The following PRSS23 variants were observed in gnomAD, a reference collection of about 807,000 sequenced individuals.
PRSS23 encodes serine protease 23.
Under a neutral mutation model 34.7 loss-of-function variants are expected in PRSS23, and 25 were observed. That is an observed-to-expected ratio of 0.72 (90% CI 0.53 to 1.01). The LOEUF is 1.01. Among genes scored for constraint, PRSS23 ranks in the 50% least tolerant of loss-of-function variants. The probability of loss-of-function intolerance (pLI) is 0.00; values close to 1 mark genes in which losing one functional copy is unlikely to be tolerated. For missense variants in PRSS23, 445 were observed against 475.6 expected, an observed-to-expected ratio of 0.94 and a Z score of 0.60; for synonymous variants, 176 against 186.6, an observed-to-expected ratio of 0.94 and a Z score of 0.46.
chr11:86,856,396 C>A (rs1565367476), intron 2 of PRSS23, among the ~76,000 whole-genome samples: 1 of 151,902 alleles, frequency 6.6e-6, no homozygotes, highest in Non-Finnish European at 1.5e-5. Flanking sequence ...GAGACCCAGG[C>A]CTCATCATGT....
At chr11:86,894,834 A>G (rs1948864236) in intron 2 of PRSS23, among the ~76,000 whole-genome samples, 1 of 152,174 alleles carries the variant, frequency 6.6e-6, no homozygotes, top group African/African-American at 2.4e-5. Context: ...ATTTGTGTAT[A>G]TGTCTTATCT....
At chr11:86,949,306 C>G (rs1565396007) in intron 2 of PRSS23, 1 of 150,080 alleles carries the variant, frequency 6.7e-6, no homozygotes, top group Non-Finnish European at 1.5e-5. Flanking sequence ...GCATAAGGCT[C>G]AAACCAAATT....
chr11:86,929,061 C>T (rs1257935263), intron 2 of PRSS23, among the ~76,000 whole-genome samples: 1 of 152,006 alleles, frequency 6.6e-6, no homozygotes, highest in Non-Finnish European at 1.5e-5. Context: ...GTGCCTCGTG[C>T]CTGTAATCCT....
At chr11:86,900,105 CAT>C (rs1191802325) in intron 2 of PRSS23, among the ~76,000 whole-genome samples, 1 of 152,198 alleles carries the variant, frequency 6.6e-6, no homozygotes, top group East Asian at 1.9e-4. Context: ...ACCTGAAGGA[CAT>C]GTTTCCTGAG....
In PRSS23 at chr11:86,879,965, A is replaced by G. The variant is rs1179074864; in HGVS notation, c.206+56372A>G. ...AGGTGTACCCAACAGCTCATTGAGA[A>G]CGGGCCATGATGACAATGGCGGTTT... On this transcript the variant is annotated intron_variant, in intron 2 of 2. Coordinates refer to the PRSS23 transcript ENST00000533902. 2.0e-5 allele frequency among the ~76,000 whole-genome samples: 3 copies of G among 151,700 alleles called. No individual in the cohort carries two copies. In the East Asian group the frequency reaches 5.8e-4, roughly 29 times the overall value.
chr11:86,837,399 C>A (rs943312171), intron 2 of PRSS23: 1 of 152,302 alleles, frequency 6.6e-6, no homozygotes, highest in East Asian at 1.9e-4. Context: ...ATTGCTTACT[C>A]GAGTAGGTGG....
intron 2 of PRSS23, among the ~76,000 whole-genome samples, chr11:86,834,038 T>C (rs1948382701): frequency 6.6e-6 from 1 of 152,162 alleles, no homozygotes; most frequent in African/African-American, 2.4e-5. Flanking sequence ...TGAAGAACAT[T>C]TGTAGTTTTA....
chr11:86,934,733 G>A (rs1203276302), intron 2 of PRSS23: 2 of 152,204 alleles, frequency 1.3e-5, no homozygotes, highest in Admixed American at 1.3e-4. Flanking sequence ...GCATCCAGAA[G>A]GTCATTCCCA....
At chr11:86,870,139 C>T (rs974843140) in intron 2 of PRSS23, among the ~76,000 whole-genome samples, 3 of 152,140 alleles carry the variant, frequency 2.0e-5, no homozygotes, top group African/African-American at 7.2e-5. Context: ...TATGATATGG[C>T]TCCATCTGAC....
At position 86,947,977 on chromosome 11, in the gene PRSS23, C is replaced by T. The variant is rs933893188; in HGVS notation, c.207-3239C>T. 2.6e-5 allele frequency: 4 copies of T among 152,372 alleles called. No homozygotes were observed. In the South Asian group the frequency reaches 8.3e-4, roughly 32 times the overall value. The allele number at this position is 152,372 out of a possible 1,614,324, so 9.4% of individuals were successfully genotyped here. A position where few individuals can be genotyped will look rare whatever the true frequency, so the allele number is the denominator to read the frequency against. On this transcript the variant is annotated intron_variant, in intron 2 of 2. Coordinates refer to the PRSS23 transcript ENST00000533902. ...TCCTCAAATATACCTATACAAGTCA[C>T]ATGGAATACCCCAAGCCCTGAATTG...
chr11:86,821,361 G>A (rs943613333), intron 1 of PRSS23: 8 of 907,012 alleles, frequency 8.8e-6, no homozygotes, highest in South Asian at 1.5e-5. Context: ...AGTGATCCTA[G>A]TTTTGCTACG....
At chr11:86,895,432 C>T (rs897619051) in intron 2 of PRSS23, among the ~76,000 whole-genome samples, 1 of 149,736 alleles carries the variant, frequency 6.7e-6, no homozygotes, top group African/African-American at 2.5e-5. Flanking sequence ...GAATACTAAA[C>T]TGAGAATATC....
chr11:86,931,557 G>T (rs1224442074), intron 2 of PRSS23, among the ~76,000 whole-genome samples: 1 of 152,126 alleles, frequency 6.6e-6, no homozygotes, highest in Non-Finnish European at 1.5e-5. Flanking sequence ...ATAGAAATCA[G>T]AAAGTAGTTG....
chr11:86,811,661 A>G (rs1948179314), downstream of PRSS23, among the ~76,000 whole-genome samples: 1 of 152,152 alleles, frequency 6.6e-6, no homozygotes, highest in Non-Finnish European at 1.5e-5. Flanking sequence ...TACCAAGGTC[A>G]TGCTCCCAAT....
chr11:86,925,295 AGT>A (rs5793226), intron 2 of PRSS23, among the ~76,000 whole-genome samples: 1,757 of 149,010 alleles, frequency 0.012, 22 homozygotes, highest in African/African-American at 0.031. Context: ...GTTTAACTGG[AGT>A]GTGTGTGTGT....
chr11:86,826,452 ACTT>A (rs1288429455), intron 2 of PRSS23, among the ~76,000 whole-genome samples: 3 of 152,152 alleles, frequency 2.0e-5, no homozygotes, highest in East Asian at 1.9e-4. Flanking sequence ...GGACAATTTG[ACTT>A]CTTCTTTTCC....
At chr11:86,856,376 G>T (rs927356138) in intron 2 of PRSS23, among the ~76,000 whole-genome samples, 1 of 151,284 alleles carries the variant, frequency 6.6e-6, no homozygotes, top group Non-Finnish European at 1.5e-5. Flanking sequence ...AAATCGGAAT[G>T]TCAGGTAATG....
intron 2 of PRSS23, among the ~76,000 whole-genome samples, chr11:86,844,713 C>T (rs1319178541): frequency 2.6e-5 from 4 of 152,204 alleles, no homozygotes; most frequent in Non-Finnish European, 4.4e-5. Flanking sequence ...CACGTCATGA[C>T]ATAGAAACAA....
intron 1 of PRSS23, 99 bp from the exon 2 acceptor site, chr11:86,807,532 A>C: frequency 1.7e-6 from 2 of 1,146,206 alleles, no homozygotes; most frequent in Non-Finnish European, 1.2e-6. Context: ...GTGTTCAAAG[A>C]CTCAGAAACA....
Sources: gnomAD v4.1 joint callset for allele counts (sites outside exome capture counted in the v4.1 genomes callset) on GRCh38, gnomAD v4.1.1 for gene constraint, MANE v1.5 for transcripts, NCBI Gene and HGNC (gene_info 2026-07-23, HGNC 2026-07-21) for gene names.